ATXN8OS: variants seen among roughly 807,000 people sequenced by gnomAD.
The protein encoded by ATXN8OS is ATXN8 opposite strand lncRNA.
rs1187919568 is a variant in ATXN8OS, at chr13:70,123,994, GTTAAT to G, written n.399-5782_399-5778del. ...ATACAAACAGGATTGAATTTATTTT[GTTAAT>G]TTAATTTGTACATAATAGATTTAGA... is the stretch of plus-strand genomic sequence containing the variant. On this transcript the variant is annotated intron_variant and non_coding_transcript_variant, in intron 2 of 4. Transcript: ENST00000678624. Among the ~76,000 whole-genome samples, 19 of 151,998 alleles carry G rather than the reference GTTAAT, an allele frequency of 1.3e-4. No individual in the cohort carries two copies. In the East Asian group the frequency reaches 1.4e-3, roughly 11 times the overall value.
chr13:70,142,574 T>C (rs1211591087), intron 3 of ATXN8OS, among the ~76,000 whole-genome samples: 3 of 152,210 alleles, frequency 2.0e-5, no homozygotes, highest in Non-Finnish European at 4.4e-5. Flanking sequence ...TTTGTATGTC[T>C]ATGGCTTCAT....
rs560779431 is a variant in ATXN8OS at position 70,128,585 on chromosome 13, A to G, written n.399-1199A>G. 7.2e-5 allele frequency among the ~76,000 whole-genome samples: 11 copies of G among 152,278 alleles called. No homozygotes were observed. The East Asian group carries it at 1.2e-3, about 16-fold the overall frequency. On this transcript the variant is annotated intron_variant and non_coding_transcript_variant, in intron 2 of 4. Coordinates refer to ENST00000678624, the Ensembl canonical transcript of ATXN8OS. ...TTACAATCTCAGTAGTGCATTTCAA[A>G]GGCTCAGAATTATTGATTCAGACAT... is the stretch of plus-strand genomic sequence containing the variant.
At chr13:70,137,319 G>C (rs1888632087) in intron 3 of ATXN8OS, among the ~76,000 whole-genome samples, 1 of 152,088 alleles carries the variant, frequency 6.6e-6, no homozygotes, top group Non-Finnish European at 1.5e-5. Flanking sequence ...TTCATGGCTA[G>C]ATTTTGTAGC....
chr13:70,108,022 G>C, intron 1 of ATXN8OS: 1 of 441,704 alleles, frequency 2.3e-6, no homozygotes, highest in Non-Finnish European at 4.0e-6. Flanking sequence ...ATGGCGAGGT[G>C]GGACAACCCT....
At chr13:70,133,438 A>C (rs1832888857) in intron 3 of ATXN8OS, among the ~76,000 whole-genome samples, 1 of 152,166 alleles carries the variant, frequency 6.6e-6, no homozygotes, top group Non-Finnish European at 1.5e-5. Context: ...GTAATATTTA[A>C]GTATTGGATT....
chr13:70,145,345 G>T (rs1445585616), intron 3 of ATXN8OS, among the ~76,000 whole-genome samples: 1 of 151,644 alleles, frequency 6.6e-6, no homozygotes, highest in Non-Finnish European at 1.5e-5. Flanking sequence ...CTCTTTTTTG[G>T]TTCCATATGA....
intron 3 of ATXN8OS, among the ~76,000 whole-genome samples, chr13:70,136,665 G>C (rs1888620637): frequency 6.6e-6 from 1 of 151,936 alleles, no homozygotes; most frequent in South Asian, 2.1e-4. Flanking sequence ...TCATACATGA[G>C]AGAGAGAGAA....
At chr13:70,152,317 T>C (rs966531547) in intron 4 of ATXN8OS, among the ~76,000 whole-genome samples, 1 of 151,776 alleles carries the variant, frequency 6.6e-6, no homozygotes, top group Non-Finnish European at 1.5e-5. Flanking sequence ...GTTTTCTTTA[T>C]ATCGTCTATC....
intron 3 of ATXN8OS, among the ~76,000 whole-genome samples, chr13:70,146,889 A>G (rs1363739291): frequency 1.3e-5 from 2 of 152,216 alleles, no homozygotes; most frequent in Non-Finnish European, 2.9e-5. Context: ...CATTGTGCAC[A>G]TGTACCCTAA....
At chr13:70,126,653 A>G (rs879296186) in intron 2 of ATXN8OS, among the ~76,000 whole-genome samples, 4 of 151,824 alleles carry the variant, frequency 2.6e-5, no homozygotes, top group Non-Finnish European at 5.9e-5. Context: ...AGATAGATAT[A>G]TCTATAGGCA....
chr13:70,152,312 C>T (rs897811617), intron 4 of ATXN8OS, among the ~76,000 whole-genome samples: 1 of 151,598 alleles, frequency 6.6e-6, no homozygotes, highest in Non-Finnish European at 1.5e-5. Context: ...TTTATGTTTT[C>T]TTTATATCGT....
At chr13:70,147,496 G>A (rs1359596207) in intron 4 of ATXN8OS, among the ~76,000 whole-genome samples, 1 of 152,082 alleles carries the variant, frequency 6.6e-6, no homozygotes, top group Non-Finnish European at 1.5e-5. Flanking sequence ...TGCCAATCCT[G>A]TTTCAAATTG....
chr13:70,116,374 T>G (rs1257431002), intron 2 of ATXN8OS, among the ~76,000 whole-genome samples: 1 of 152,042 alleles, frequency 6.6e-6, no homozygotes, highest in East Asian at 1.9e-4. Context: ...ACTGATAAGG[T>G]GGTATTTCTC....
chr13:70,133,217 G>A (rs1888559598), intron 3 of ATXN8OS, among the ~76,000 whole-genome samples: 2 of 152,114 alleles, frequency 1.3e-5, no homozygotes, highest in Non-Finnish European at 1.5e-5. Flanking sequence ...AGCAGCCTTG[G>A]TAACATGGTG....
chr13:70,123,624 A>T (rs887415056), intron 2 of ATXN8OS, among the ~76,000 whole-genome samples: 1 of 152,154 alleles, frequency 6.6e-6, no homozygotes, highest in Non-Finnish European at 1.5e-5. Flanking sequence ...CACAAAAATC[A>T]AATGAGAACT....
At chr13:70,108,226 G>A (rs548460341) in intron 1 of ATXN8OS, 70 of 391,264 alleles carry the variant, frequency 1.8e-4, no homozygotes, top group Middle Eastern at 6.4e-4. Flanking sequence ...TCGAGGAAGC[G>A]TACCCCTCGC....
At chr13:70,121,756 G>C (rs2137475965) in intron 2 of ATXN8OS, among the ~76,000 whole-genome samples, 1 of 152,098 alleles carries the variant, frequency 6.6e-6, no homozygotes, top group East Asian at 1.9e-4. Context: ...AAACTGTGAT[G>C]ACTTTTAAAA....
chr13:70,156,027 A>C (rs1888930925), intron 4 of ATXN8OS, among the ~76,000 whole-genome samples: 1 of 152,138 alleles, frequency 6.6e-6, no homozygotes, highest in African/African-American at 2.4e-5. Flanking sequence ...TTATCAAATG[A>C]GACTGCCATA....
At chr13:70,133,688 G>A (rs916759267) in intron 3 of ATXN8OS, among the ~76,000 whole-genome samples, 5 of 152,088 alleles carry the variant, frequency 3.3e-5, no homozygotes, top group African/African-American at 9.7e-5. Context: ...ACATAGAAAG[G>A]CAGAGACTGG....
Sources: gnomAD v4.1 joint callset for allele counts (sites outside exome capture counted in the v4.1 genomes callset) on GRCh38, gnomAD v4.1.1 for gene constraint, MANE v1.5 for transcripts, NCBI Gene and HGNC (gene_info 2026-07-23, HGNC 2026-07-21) for gene names.